The following ZNF469 variants were observed in gnomAD, a reference collection of about 807,000 sequenced individuals.
The protein encoded by ZNF469 is zinc finger protein 469.
Under a neutral mutation model 1.0 loss-of-function variants are expected in ZNF469, and 1 was observed. The observed-to-expected ratio is 1.00, with a 90% confidence interval of 0.35 to 4.73. ZNF469 has a LOEUF of 4.73. ZNF469 is among the 30% of genes most tolerant of loss of function. ZNF469 has a pLI of 0.16. For synonymous variants in ZNF469, 2,703 were observed against 2,363.4 expected (o/e 1.14, Z -4.17); for missense variants, 6,100 against 5,356.3 (o/e 1.14, Z -4.33).
chr16:88,127,483 T>C, the ZNF469 span, among the ~76,000 whole-genome samples: 209 of 152,376 alleles, frequency 1.4e-3, 1 homozygote, highest in African/African-American at 4.9e-3. Flanking sequence ...AAGTTTGATT[T>C]CTCAATACTT....
At chr16:88,258,554 C>T in the ZNF469 span, among the ~76,000 whole-genome samples, 53 of 152,192 alleles carry the variant, frequency 3.5e-4, no homozygotes, top group African/African-American at 1.2e-3. Flanking sequence ...AAGTTTAAGG[C>T]AGTAATATTG....
chr16:88,229,851 A>G, the ZNF469 span, among the ~76,000 whole-genome samples: 1 of 152,224 alleles, frequency 6.6e-6, no homozygotes, highest in South Asian at 2.1e-4. Flanking sequence ...GGGAGGGTGA[A>G]CAGCAGGGAC....
At chr16:88,224,340 G>A in the ZNF469 span, among the ~76,000 whole-genome samples, 11 of 152,330 alleles carry the variant, frequency 7.2e-5, no homozygotes, top group African/African-American at 2.4e-4. Context: ...ACAGCACCGC[G>A]GGGCCCCGCA....
the ZNF469 span, chr16:88,193,548 T>C: frequency 2.6e-5 from 4 of 152,092 alleles, no homozygotes; most frequent in Non-Finnish European, 4.4e-5. Flanking sequence ...CAGAACATTT[T>C]AAAATTAGCT....
At position 88,436,467 on chromosome 16, in the gene ZNF469, C is replaced by T. The variant is rs1457585754; in HGVS notation, c.8997C>T (p.Gly2999=). 20 of 1,546,698 alleles carry T rather than the reference C, an allele frequency of 1.3e-5. No individual in the cohort carries two copies. Among genetic ancestry groups the T allele is most frequent in the Admixed American group, 3.9e-5 (2 of 50,990 alleles). Residue 2999 remains glycine (G), a synonymous_variant, in exon 3 of 3, where the codon GGC becomes GGT. Coordinates refer to ENST00000565624, the MANE Select transcript of ZNF469 (RefSeq NM_001367624.2). ...ACATGGTCCCAGCGGCTTGGCGAGG[C>T]CTGGAGATGCCGGCCCCTGCCGATG... The part of the protein sequence containing the change: ...ELHMVPAAWR[G]LEMPAPADDS...
the ZNF469 span, among the ~76,000 whole-genome samples, chr16:88,259,071 C>A: frequency 1.3e-5 from 2 of 152,244 alleles, no homozygotes; most frequent in African/African-American, 2.4e-5. The surrounding 1 kb of genome is among the most constrained non-coding windows in gnomAD (Gnocchi z 4.1). Context: ...CTTCAAAGGA[C>A]CAGAGAATGG....
chr16:88,120,078 G>A, the ZNF469 span, among the ~76,000 whole-genome samples: 13 of 152,210 alleles, frequency 8.5e-5, no homozygotes, highest in Non-Finnish European at 1.5e-4. Flanking sequence ...AGGCTGCACC[G>A]GGTAGAGTGT....
the ZNF469 span, among the ~76,000 whole-genome samples, chr16:88,262,818 A>G: frequency 1.3e-5 from 2 of 152,002 alleles, no homozygotes; most frequent in African/African-American, 4.8e-5. This position sits in a 1 kb window ranked among gnomAD's most constrained non-coding sequence, Gnocchi z 4.3. Context: ...CTTACATGGA[A>G]ATTCCCAGTG....
the ZNF469 span, among the ~76,000 whole-genome samples, chr16:88,187,295 G>A: frequency 1.1e-4 from 16 of 152,368 alleles, 1 homozygote; most frequent in Admixed American, 3.3e-4. Context: ...AACCTAGCAC[G>A]TGTGGGCCCA....
chr16:88,275,458 A>G, the ZNF469 span, among the ~76,000 whole-genome samples: 1 of 152,172 alleles, frequency 6.6e-6, no homozygotes, highest in Non-Finnish European at 1.5e-5. Flanking sequence ...CCAAGAATCC[A>G]GTGCTCCTGA....
the ZNF469 span, among the ~76,000 whole-genome samples, chr16:88,122,168 A>ACGG: frequency 7.5e-5 from 11 of 147,132 alleles, no homozygotes; most frequent in Middle Eastern, 6.9e-3. Flanking sequence ...CGGTATGGCC[A>ACGG]CGGCAACCAC....
At chr16:88,327,109 C>T in the ZNF469 span, among the ~76,000 whole-genome samples, 1 of 152,206 alleles carries the variant, frequency 6.6e-6, no homozygotes, top group African/African-American at 2.4e-5. Flanking sequence ...CACTCTGGAC[C>T]CCAGGAGTGG....
chr16:88,329,920 G>T, the ZNF469 span, among the ~76,000 whole-genome samples: 3 of 152,180 alleles, frequency 2.0e-5, no homozygotes, highest in Admixed American at 2.0e-4. Context: ...GCGCCCACAG[G>T]CGTGGCATCA....
At chr16:88,425,631 C>T (rs767955967) in intron 2 of ZNF469, among the ~76,000 whole-genome samples, 14 of 152,244 alleles carry the variant, frequency 9.2e-5, no homozygotes, top group African/African-American at 2.7e-4. Flanking sequence ...TCTGAGCCAC[C>T]GTGAGCACAA....
the ZNF469 span, among the ~76,000 whole-genome samples, chr16:88,171,133 C>G: frequency 6.6e-6 from 1 of 152,180 alleles, no homozygotes; most frequent in Admixed American, 6.5e-5. Context: ...AGGCATTTAG[C>G]AAGGTAGGCA....
intron 1 of ZNF469, among the ~76,000 whole-genome samples, chr16:88,407,441 T>C (rs1021067519): frequency 3.9e-5 from 6 of 152,252 alleles, no homozygotes; most frequent in Non-Finnish European, 8.8e-5. Context: ...ATCTATAGCG[T>C]GGCCGATGAC....
chr16:88,289,267 A>T, the ZNF469 span, among the ~76,000 whole-genome samples: 1 of 115,778 alleles, frequency 8.6e-6, no homozygotes, highest in Admixed American at 7.8e-5. Flanking sequence ...AGTGATGGTG[A>T]TGATGGTGAG....
rs1906805407 is a variant in ZNF469, at chr16:88,438,957, AAG to A, written c.11488_11489del (p.Ser3830CysfsTer12). 3 of 1,550,416 alleles carry A rather than the reference AAG, an allele frequency of 1.9e-6. No homozygotes were observed. The African/African-American group carries it at 4.1e-5, about 21-fold the overall frequency. On this transcript the variant is annotated frameshift_variant, in exon 3 of 3. Transcript: ENST00000565624. LOFTEE classifies it low-confidence loss of function (END_TRUNC). Reference sequence around the variant, plus strand: ...AGGTCCCAGGGCCAGCCAGGAGTGAAAGTGTGGGGAGCTTCGGGAGAGCCCCC... The same window carrying A: ...AGGTCCCAGGGCCAGCCAGGAGTGAATGTGGGGAGCTTCGGGAGAGCCCCC... ...GQVPGPARSE[S>X]VGSFGRAPSA...
the ZNF469 span, among the ~76,000 whole-genome samples, chr16:88,108,984 T>C: frequency 1.3e-5 from 2 of 152,186 alleles, no homozygotes; most frequent in Non-Finnish European, 2.9e-5. Context: ...GCCACATTCA[T>C]GACCCAGAGA....
Sources: allele counts gnomAD v4.1 joint callset (sites outside exome capture counted in the v4.1 genomes callset), GRCh38; gene constraint gnomAD v4.1.1; non-coding constraint Gnocchi (gnomAD v3.1); transcripts MANE v1.5; gene names NCBI Gene and HGNC (gene_info 2026-07-23, HGNC 2026-07-21).